EXTL3: variants seen among roughly 807,000 people sequenced by gnomAD.
The protein encoded by EXTL3 is exostosin like glycosyltransferase 3, also known as exostosin-like 3.
In EXTL3, 27 loss-of-function variants were observed where a neutral mutation model predicts 69.3. The observed-to-expected ratio is 0.39, with a 90% CI of 0.29 to 0.54. EXTL3 has a LOEUF of 0.54. Ranked by LOEUF, EXTL3 falls within the 20% of genes least tolerant of loss-of-function variation. The pLI, the probability that EXTL3 is intolerant of heterozygous loss-of-function variation, is 0.69. For synonymous variants in EXTL3, 511 were observed against 499.4 expected, an observed-to-expected ratio of 1.02 and a Z score of -0.31; for missense variants, 1,003 against 1,231.8, an observed-to-expected ratio of 0.81 and a Z score of 2.78.
intron 1 of EXTL3, among the ~76,000 whole-genome samples, chr8:28,650,187 C>T (rs1467940720): frequency 1.4e-5 from 2 of 138,026 alleles, no homozygotes; most frequent in African/African-American, 5.6e-5. Context: ...CAGAGTGAGA[C>T]TCTGTCTCAG....
intron 1 of EXTL3, among the ~76,000 whole-genome samples, chr8:28,679,386 C>G (rs546906561): frequency 5.3e-5 from 8 of 152,204 alleles, no homozygotes; most frequent in Admixed American, 4.6e-4. Context: ...GCAGAGGTTA[C>G]AGTGAACCAA....
chr8:28,712,499 T>C (rs958589527), intron 1 of EXTL3, among the ~76,000 whole-genome samples: 10 of 152,190 alleles, frequency 6.6e-5, no homozygotes, highest in Non-Finnish European at 1.3e-4. Context: ...GAATTAGACA[T>C]GTACATTGTA....
chr8:28,686,398 T>A (rs879311700), intron 1 of EXTL3, among the ~76,000 whole-genome samples: 3 of 151,570 alleles, frequency 2.0e-5, no homozygotes, highest in African/African-American at 7.3e-5. Flanking sequence ...CTTTATATGA[T>A]AGTTTTTGAA....
At chr8:28,702,052 C>T (rs1342044453) in intron 1 of EXTL3, among the ~76,000 whole-genome samples, 1 of 152,216 alleles carries the variant, frequency 6.6e-6, no homozygotes, top group East Asian at 1.9e-4. Context: ...GCCCTCCACC[C>T]TCTGTGACCC....
At chr8:28,755,918 T>TTGGAGCGTCCCATCTACCCA (rs1802114424), downstream of EXTL3, among the ~76,000 whole-genome samples, 1 of 152,186 alleles carries the variant, frequency 6.6e-6, no homozygotes, top group Non-Finnish European at 1.5e-5. Context: ...TGGACCCGCC[T>TTGGAGCGTCCCATCTACCCA]TGGAGCGTCC....
In EXTL3 at chr8:28,634,858, G is replaced by T. The variant is rs377394839; in HGVS notation, c.-53+12048G>T. Among the ~76,000 whole-genome samples, 255 of 152,242 alleles carry T rather than the reference G, an allele frequency of 1.7e-3. 1 individual carries two copies. The highest frequency in any genetic ancestry group is 5.8e-3 in the African/African-American group (243 of 41,548). ...GATCCGCTCGCTTCGGCCTCCCATA[G>T]TGCTGAGATTACAGGGGTGAGCCAC... On this transcript the variant is annotated intron_variant, in intron 1 of 6. Coordinates refer to the EXTL3 transcript ENST00000523149.
intron 2 of EXTL3, among the ~76,000 whole-genome samples, chr8:28,714,442 G>A (rs995250616): frequency 2.6e-5 from 4 of 152,242 alleles, no homozygotes; most frequent in African/African-American, 9.6e-5. Flanking sequence ...GAAAGTGGTT[G>A]TGCCTCTGTG....
At chr8:28,673,098 G>A (rs898399673) in intron 1 of EXTL3, among the ~76,000 whole-genome samples, 2 of 152,194 alleles carry the variant, frequency 1.3e-5, no homozygotes, top group Non-Finnish European at 2.9e-5. Flanking sequence ...AAATTACCCA[G>A]TCTTGGGTAT....
At chr8:28,708,695 G>A (rs1210033758) in intron 1 of EXTL3, among the ~76,000 whole-genome samples, 1 of 152,126 alleles carries the variant, frequency 6.6e-6, no homozygotes, top group Non-Finnish European at 1.5e-5. Context: ...CTAATTGGAA[G>A]GGCTCCTGGT....
upstream of EXTL3, among the ~76,000 whole-genome samples, chr8:28,617,976 T>C (rs1364988847): frequency 6.6e-6 from 1 of 152,144 alleles, no homozygotes; most frequent in African/African-American, 2.4e-5. Context: ...TTGAGCTCAC[T>C]GGGGTCTAAG....
chr8:28,631,748 T>TG (rs1476398604), intron 1 of EXTL3: 1 of 152,196 alleles, frequency 6.6e-6, no homozygotes, highest in Non-Finnish European at 1.5e-5. Flanking sequence ...GTCTGCTAGT[T>TG]GCTAGTTTCA....
chr8:28,704,711 C>G (rs1800883366), intron 1 of EXTL3, among the ~76,000 whole-genome samples: 1 of 151,834 alleles, frequency 6.6e-6, no homozygotes, highest in Non-Finnish European at 1.5e-5. Flanking sequence ...CTCTTTTCGC[C>G]CAGGCTAGAG....
chr8:28,674,515 C>T (rs1807348379), intron 1 of EXTL3, among the ~76,000 whole-genome samples: 1 of 152,206 alleles, frequency 6.6e-6, no homozygotes, highest in South Asian at 2.1e-4. Context: ...GACCTAGGAA[C>T]TTTTATGTGT....
intron 2 of EXTL3, among the ~76,000 whole-genome samples, chr8:28,617,280 A>G (rs772514545): frequency 2.0e-5 from 3 of 152,184 alleles, no homozygotes; most frequent in Non-Finnish European, 4.4e-5. Flanking sequence ...ATGGCCCGTG[A>G]CTAGGGTCTA....
At chr8:28,621,062 A>G (rs570842688), upstream of EXTL3, among the ~76,000 whole-genome samples, 81 of 152,254 alleles carry the variant, frequency 5.3e-4, no homozygotes, top group African/African-American at 1.9e-3. Flanking sequence ...GTTAATTATG[A>G]TTGTTTTTGT....
At chr8:28,698,768 C>T (rs1044618739), upstream of EXTL3, among the ~76,000 whole-genome samples, 2 of 151,996 alleles carry the variant, frequency 1.3e-5, no homozygotes, top group Non-Finnish European at 2.9e-5. Context: ...CCGAGGTGGG[C>T]GGATCACTTG....
intron 2 of EXTL3, among the ~76,000 whole-genome samples, chr8:28,614,777 GA>G (rs1335736204): frequency 2.6e-5 from 4 of 152,076 alleles, no homozygotes; most frequent in African/African-American, 9.7e-5. Flanking sequence ...TTTTTCTTGA[GA>G]CTTCTTCCAT....
chr8:28,675,864 A>T (rs1394764069), intron 1 of EXTL3, among the ~76,000 whole-genome samples: 2 of 152,064 alleles, frequency 1.3e-5, no homozygotes, highest in African/African-American at 2.4e-5. Context: ...TCTACTAAAA[A>T]TACAAAAATT....
chr8:28,649,559 G>T (rs1806885493), intron 1 of EXTL3, among the ~76,000 whole-genome samples: 1 of 151,974 alleles, frequency 6.6e-6, no homozygotes, highest in Non-Finnish European at 1.5e-5. Context: ...TTTTTTGTCT[G>T]TTGTGTCATC....
Sources: gnomAD v4.1 joint callset for allele counts (sites outside exome capture counted in the v4.1 genomes callset) on GRCh38, gnomAD v4.1.1 for gene constraint, MANE v1.5 for transcripts, NCBI Gene and HGNC (gene_info 2026-07-23, HGNC 2026-07-21) for gene names.